Variants in PHACTR1 observed in about 807,000 individuals in gnomAD.
PHACTR1 encodes the protein phosphatase and actin regulator 1.
In PHACTR1, 16 loss-of-function variants were observed where a neutral mutation model predicts 69.2. The ratio of observed to expected loss-of-function variants is 0.23; its 90% confidence interval spans 0.16 to 0.35. The LOEUF (loss-of-function observed/expected upper bound fraction) is 0.35. Ranked by LOEUF, PHACTR1 falls within the 10% of genes least tolerant of loss-of-function variation. The pLI, the probability that PHACTR1 is intolerant of heterozygous loss-of-function variation, is 1.00. For missense variants in PHACTR1, 510 were observed against 734.7 expected (o/e 0.69, Z 3.54); for synonymous variants, 312 against 284.5 (o/e 1.10, Z -0.97).
chr6:13,115,931 GTC>G (rs1181744649), intron 5 of PHACTR1, among the ~76,000 whole-genome samples: 2 of 152,174 alleles, frequency 1.3e-5, no homozygotes, highest in Non-Finnish European at 2.9e-5. Context: ...CAGCTAAGCT[GTC>G]AATCTTCTGC....
At position 13,227,806 on chromosome 6, in the gene PHACTR1, C is replaced by T. The variant is rs995880332; in HGVS notation, c.987-10C>T. The stretch of plus-strand genomic sequence containing the variant: ...AGTGAATTTCCTCTTTCCTCCTTGT[C>T]TTTAAACAGCTCTGAGCAGCGGGTC... On this transcript the variant is annotated splice_polypyrimidine_tract_variant and intron_variant, in intron 8 of 14. Coordinates refer to ENST00000332995, the MANE Select transcript of PHACTR1 (RefSeq NM_030948.6). 1.2e-6 allele frequency: 2 copies of T among 1,610,976 alleles called. No homozygotes were observed. The highest frequency in any genetic ancestry group is 2.7e-5 in the African/African-American group (2 of 74,752).
intron 12 of PHACTR1, chr6:13,279,855 T>C (rs1209856812): frequency 6.6e-6 from 1 of 152,220 alleles, no homozygotes; most frequent in African/African-American, 2.4e-5. Flanking sequence ...TTTCTCATCG[T>C]GTCCTTGAAA....
chr6:13,225,386 T>C (rs2127298530), intron 8 of PHACTR1, among the ~76,000 whole-genome samples: 1 of 152,292 alleles, frequency 6.6e-6, no homozygotes, highest in African/African-American at 2.4e-5. Context: ...CAACAGGCAG[T>C]CATTGGCCAC....
intron 6 of PHACTR1, among the ~76,000 whole-genome samples, chr6:13,182,002 G>T (rs1193926529): frequency 2.0e-5 from 3 of 152,356 alleles, no homozygotes; most frequent in Non-Finnish European, 4.4e-5. Context: ...GGGAGGCCCA[G>T]GTGGGCGGAT....
chr6:13,195,085 G>C (rs1457979621), intron 7 of PHACTR1, among the ~76,000 whole-genome samples: 2 of 152,128 alleles, frequency 1.3e-5, no homozygotes, highest in African/African-American at 4.8e-5. Flanking sequence ...TTTGACCAAG[G>C]CAAAACGCCA....
chr6:12,988,805 C>G (rs1796482898), intron 4 of PHACTR1, among the ~76,000 whole-genome samples: 1 of 152,228 alleles, frequency 6.6e-6, no homozygotes, highest in South Asian at 2.1e-4. Flanking sequence ...CTTGCTGCCT[C>G]CTGCTGTAAA....
intron 4 of PHACTR1, among the ~76,000 whole-genome samples, chr6:12,842,325 T>C (rs1159754833): frequency 1.3e-5 from 2 of 152,204 alleles, no homozygotes; most frequent in East Asian, 3.8e-4. Context: ...GTCTTCAACT[T>C]TGCCAGTGTT....
intron 4 of PHACTR1, among the ~76,000 whole-genome samples, chr6:12,901,492 A>T (rs1042382567): frequency 2.6e-5 from 4 of 152,066 alleles, no homozygotes; most frequent in African/African-American, 9.7e-5. Flanking sequence ...GATTTCACGC[A>T]TTTTTTGGTT....
intron 4 of PHACTR1, among the ~76,000 whole-genome samples, chr6:12,848,021 T>A (rs9369609): frequency 0.2 from 29,837 of 152,144 alleles, 3,245 homozygotes; most frequent in African/African-American, 0.29. Flanking sequence ...TTCCTGAGAC[T>A]GCAGCTGATC....
chr6:12,833,472 T>C (rs1318630291), intron 4 of PHACTR1, among the ~76,000 whole-genome samples: 1 of 152,056 alleles, frequency 6.6e-6, no homozygotes, highest in Non-Finnish European at 1.5e-5. Flanking sequence ...TTGGCCAGGC[T>C]GGTCTCAAAC....
intron 5 of PHACTR1, among the ~76,000 whole-genome samples, chr6:13,112,767 T>A (rs974003088): frequency 2.6e-5 from 4 of 152,176 alleles, no homozygotes; most frequent in African/African-American, 7.2e-5. Context: ...ATAGATGCTG[T>A]ATATTAGACC....
intron 7 of PHACTR1, among the ~76,000 whole-genome samples, chr6:13,194,570 G>A (rs1486560642): frequency 6.6e-6 from 1 of 151,678 alleles, no homozygotes; most frequent in Non-Finnish European, 1.5e-5. Flanking sequence ...CTCCTCTCCA[G>A]TCCTTCCCTA....
intron 5 of PHACTR1, among the ~76,000 whole-genome samples, chr6:13,068,225 G>A (rs1344657815): frequency 6.6e-6 from 1 of 152,146 alleles, no homozygotes; most frequent in Non-Finnish European, 1.5e-5. Flanking sequence ...GCTGAGGCAT[G>A]AGAATTGCTT....
chr6:12,923,822 G>A (rs768710654), intron 4 of PHACTR1, among the ~76,000 whole-genome samples: 1 of 152,178 alleles, frequency 6.6e-6, no homozygotes, highest in Non-Finnish European at 1.5e-5. Context: ...GACAGGATAG[G>A]CCTGAAGAGG....
Position 13,100,267 on chromosome 6 carries a change from A to C in PHACTR1, c.415+46738A>C, listed in dbSNP as rs1176560417. On this transcript the variant is annotated intron_variant, in intron 5 of 14. Transcript: ENST00000332995. ...TTTTTATGCTTAGGTTTGATGAAGAAGTGGTTAGCTATAGTGAAATATGAT... is the reference window on the plus strand; with the variant it reads ...TTTTTATGCTTAGGTTTGATGAAGACGTGGTTAGCTATAGTGAAATATGAT... Among the ~76,000 whole-genome samples the C allele has an allele frequency of 2.0e-5, 3 of 152,286 alleles. No individual in the cohort carries two copies. The East Asian group carries it at 5.8e-4, about 29-fold the overall frequency.
rs1334249772 is a variant in PHACTR1 at position 13,231,284 on chromosome 6, GAGAA to G, written c.1391+1095_1391+1098del. On this transcript the variant is annotated intron_variant, in intron 10 of 14. Transcript: ENST00000332995. ...AAAGAAGGAAAGAGAAAGAAGGAAAGAGAAAGAGAGAGCGAAAGAGAAGGAGGGA... is the reference window on the plus strand; with the variant it reads ...AAAGAAGGAAAGAGAAAGAAGGAAAGAGAGAGAGCGAAAGAGAAGGAGGGA... 4.7e-3 allele frequency among the ~76,000 whole-genome samples: 307 copies of G among 65,060 alleles called. 7 individuals are homozygous for G. Among genetic ancestry groups the G allele is most frequent in the Admixed American group, 7.1e-3 (33 of 4,638 alleles). 42.7% of individuals were successfully genotyped at this position (65,060 alleles called of 152,430 possible). A position where few individuals can be genotyped will look rare whatever the true frequency, so the allele number is the denominator to read the frequency against.
chr6:13,015,305 C>A (rs529280004), intron 4 of PHACTR1, among the ~76,000 whole-genome samples: 1 of 152,134 alleles, frequency 6.6e-6, no homozygotes, highest in Non-Finnish European at 1.5e-5. Context: ...TGCAGGACAC[C>A]ACCAGGCATC....
chr6:13,226,304 C>T (rs1436489767), intron 8 of PHACTR1, among the ~76,000 whole-genome samples: 1 of 152,170 alleles, frequency 6.6e-6, no homozygotes, highest in African/African-American at 2.4e-5. Context: ...ATTGAATTTA[C>T]ATTAGGCATA....
chr6:13,118,957 T>G (rs763734213), intron 5 of PHACTR1, among the ~76,000 whole-genome samples: 53 of 152,148 alleles, frequency 3.5e-4, no homozygotes, highest in Non-Finnish European at 5.9e-5. Context: ...CTTCTAATGC[T>G]AGGAACTATT....
Sources: gnomAD v4.1 joint callset for allele counts (sites outside exome capture counted in the v4.1 genomes callset) on GRCh38, gnomAD v4.1.1 for gene constraint, MANE v1.5 for transcripts, NCBI Gene and HGNC (gene_info 2026-07-23, HGNC 2026-07-21) for gene names.